The following CLOCK variants were observed in gnomAD, a reference collection of about 807,000 sequenced individuals.
The protein encoded by CLOCK is clock circadian regulator.
CLOCK carries 43 observed loss-of-function variants against 118.4 expected under a neutral mutation model. That is an observed-to-expected ratio of 0.36 (90% CI 0.28 to 0.47). The LOEUF is 0.47. Among genes scored for constraint, CLOCK ranks in the 20% least tolerant of loss-of-function variants. The pLI, the probability that CLOCK is intolerant of heterozygous loss-of-function variation, is 1.00. For missense variants in CLOCK, 846 were observed against 999.9 expected (o/e 0.85, Z 2.08); for synonymous variants, 326 against 339.2 (o/e 0.96, Z 0.43).
intron 7 of CLOCK, among the ~76,000 whole-genome samples, chr4:55,471,782 G>T (rs1726157455): frequency 6.6e-6 from 1 of 152,156 alleles, no homozygotes; most frequent in African/African-American, 2.4e-5. Context: ...CAGAGAAAAT[G>T]ACAGAGAAGC....
At chr4:55,538,155 G>A (rs1281187420) in intron 1 of CLOCK, among the ~76,000 whole-genome samples, 12 of 152,200 alleles carry the variant, frequency 7.9e-5, no homozygotes, top group Admixed American at 7.2e-4. Context: ...GATATTAAAA[G>A]AACAATAATA....
rs953870263 is a variant in CLOCK at position 55,453,601 on chromosome 4, T to TA, written c.1130+75dup. On this transcript the variant is annotated intron_variant, in intron 14 of 22. Transcript: ENST00000513440. ...AGCACTTTGTAGCTCTTTAACAACT[T>TA]ACGCATAAAAGTTACAATGCCAAAA... 340 of 1,274,452 alleles carry TA rather than the reference T, an allele frequency of 2.7e-4. 1 individual carries two copies. The highest frequency in any genetic ancestry group is 1.7e-3 in the Middle Eastern group (8 of 4,720). 78.9% of individuals were successfully genotyped at this position (1,274,452 alleles called of 1,614,324 possible). A position where few individuals can be genotyped will look rare whatever the true frequency, so the allele number is the denominator to read the frequency against.
At chr4:55,479,007 T>C (rs1373721234) in intron 5 of CLOCK, 44 bp from the exon 6 acceptor site, 3 of 1,456,302 alleles carry the variant, frequency 2.1e-6, no homozygotes, top group Admixed American at 1.9e-5. Flanking sequence ...ATCCATTTAA[T>C]TACACAAGTA....
chr4:55,474,051 G>A (rs1271279481), intron 7 of CLOCK, among the ~76,000 whole-genome samples: 1 of 152,178 alleles, frequency 6.6e-6, no homozygotes, highest in Non-Finnish European at 1.5e-5. Context: ...AAAGCTAGAT[G>A]TGATTAAGCT....
chr4:55,454,998 T>C (rs1479893881), intron 13 of CLOCK, among the ~76,000 whole-genome samples: 1 of 152,122 alleles, frequency 6.6e-6, no homozygotes, highest in Non-Finnish European at 1.5e-5. Context: ...GCCCACATCT[T>C]TTGTGCTGAA....
intron 1 of CLOCK, among the ~76,000 whole-genome samples, chr4:55,543,758 C>T (rs1264280062): frequency 2.0e-5 from 3 of 150,234 alleles, no homozygotes; most frequent in African/African-American, 7.4e-5. Flanking sequence ...GGCCTGGTGA[C>T]AGAGCAAGAC....
intron 1 of CLOCK, among the ~76,000 whole-genome samples, chr4:55,512,505 C>A (rs1315085658): frequency 6.6e-6 from 1 of 152,090 alleles, no homozygotes; most frequent in Non-Finnish European, 1.5e-5. Context: ...ATGTCTTTTG[C>A]AAATATCTTC....
intron 2 of CLOCK, among the ~76,000 whole-genome samples, chr4:55,500,313 A>G (rs1321882060): frequency 6.6e-6 from 1 of 151,774 alleles, no homozygotes; most frequent in Non-Finnish European, 1.5e-5. Context: ...TTCTATCTAG[A>G]GGGTTTTTGT....
At chr4:55,443,332 T>C (rs1040871704) in intron 20 of CLOCK, among the ~76,000 whole-genome samples, 3 of 151,858 alleles carry the variant, frequency 2.0e-5, no homozygotes, top group Non-Finnish European at 2.9e-5. Flanking sequence ...AAAATCAGCC[T>C]GGCATGGTGG....
In CLOCK at chr4:55,438,280, A is replaced by C; in HGVS notation, c.2361+2T>G. On this transcript the variant is annotated splice_donor_variant, in intron 22 of 22. Coordinates refer to ENST00000513440, the MANE Select transcript of CLOCK (RefSeq NM_004898.4). LOFTEE classifies it high-confidence loss of function. ...AAGCAGCTTCCCCATGGGGAGAATT[A>C]CCTGTAAAAATTGTTGCGGTGGCTG... 3 of 1,614,118 alleles carry C rather than the reference A, an allele frequency of 1.9e-6. No homozygotes were observed. Among genetic ancestry groups the C allele is most frequent in the Non-Finnish European group, 2.5e-6 (3 of 1,179,988 alleles).
chr4:55,477,331 G>A (rs534439192), intron 6 of CLOCK, among the ~76,000 whole-genome samples: 2 of 152,176 alleles, frequency 1.3e-5, no homozygotes, highest in South Asian at 4.1e-4. Flanking sequence ...GTTTCAATGA[G>A]TGTGCCATTT....
At chr4:55,501,519 G>A (rs937880794) in intron 2 of CLOCK, 12 of 147,940 alleles carry the variant, frequency 8.1e-5, no homozygotes, top group Non-Finnish European at 1.7e-4. Context: ...CTAGGCTCAA[G>A]TGGCCCTCCC....
chr4:55,442,248 C>T (rs1037462295), intron 21 of CLOCK, 184 bp downstream of exon 21: 43 of 577,146 alleles, frequency 7.5e-5, no homozygotes, highest in South Asian at 1.5e-4. Context: ...TTGTTGTTAC[C>T]CTTTAATTAT....
chr4:55,493,246 AAATT>A (rs1206588242), intron 2 of CLOCK, among the ~76,000 whole-genome samples: 5 of 152,306 alleles, frequency 3.3e-5, no homozygotes, highest in African/African-American at 1.2e-4. Flanking sequence ...AATAATTTTA[AAATT>A]ATTAATTAAA....
At chr4:55,447,442 A>T (rs887547222) in intron 18 of CLOCK, among the ~76,000 whole-genome samples, 1 of 152,262 alleles carries the variant, frequency 6.6e-6, no homozygotes, top group African/African-American at 2.4e-5. Context: ...CCTTTGGACA[A>T]GCATTATATT....
chr4:55,453,948 CAT>C (rs1724697101), intron 13 of CLOCK, 124 bp from the exon 14 acceptor site: 1 of 701,656 alleles, frequency 1.4e-6, no homozygotes, highest in Non-Finnish European at 2.3e-6. Context: ...CTTTTGATAA[CAT>C]ATATGTCAAT....
intron 1 of CLOCK, among the ~76,000 whole-genome samples, chr4:55,527,043 T>C (rs114145403): frequency 1.4e-5 from 2 of 146,018 alleles, no homozygotes; most frequent in Admixed American, 1.4e-4. Flanking sequence ...TCCAGTTACA[T>C]GAATACAAGA....
intron 2 of CLOCK, among the ~76,000 whole-genome samples, chr4:55,498,492 G>A (rs1728224807): frequency 6.6e-6 from 1 of 151,890 alleles, no homozygotes; most frequent in Non-Finnish European, 1.5e-5. Flanking sequence ...TAATCCCTTT[G>A]AACTAGAAGA....
At chr4:55,546,174 A>C (rs1731608426) in intron 1 of CLOCK, among the ~76,000 whole-genome samples, 1 of 152,108 alleles carries the variant, frequency 6.6e-6, no homozygotes, top group Non-Finnish European at 1.5e-5. Flanking sequence ...TCCCCAGCGA[A>C]AGCTCTCTCG....
Sources: allele counts gnomAD v4.1 joint callset (sites outside exome capture counted in the v4.1 genomes callset), GRCh38; gene constraint gnomAD v4.1.1; transcripts MANE v1.5; gene names NCBI Gene and HGNC (gene_info 2026-07-23, HGNC 2026-07-21).